NBEA: variants seen among roughly 807,000 people sequenced by gnomAD.
NBEA encodes the protein neurobeachin.
Under a neutral mutation model 343.4 loss-of-function variants are expected in NBEA, and 44 were observed. That is an observed-to-expected ratio of 0.13 (90% CI 0.10 to 0.16). NBEA has a LOEUF of 0.16. Ranked by LOEUF, NBEA falls within the 10% of genes least tolerant of loss-of-function variation. The pLI, the probability that NBEA is intolerant of heterozygous loss-of-function variation, is 1.00. For synonymous variants in NBEA, 1,175 were observed against 1,238.7 expected, an observed-to-expected ratio of 0.95 and a Z score of 1.08; for missense variants, 2,555 against 3,631.3, an observed-to-expected ratio of 0.70 and a Z score of 7.62.
At chr13:35,085,740 A>C (rs1351014840) in intron 10 of NBEA, among the ~76,000 whole-genome samples, 1 of 152,158 alleles carries the variant, frequency 6.6e-6, no homozygotes, top group Non-Finnish European at 1.5e-5. Flanking sequence ...CAGGGCAATC[A>C]GGCAGGAGAA....
intron 14 of NBEA, 31 bp from the exon 15 acceptor site, chr13:35,118,197 G>A: frequency 7.6e-7 from 1 of 1,321,882 alleles, no homozygotes; most frequent in Non-Finnish European, 1.0e-6. Flanking sequence ...AATTTTAGAT[G>A]TAAAGTAATA....
At chr13:35,519,669 G>A (rs1465517835) in intron 41 of NBEA, among the ~76,000 whole-genome samples, 1 of 151,908 alleles carries the variant, frequency 6.6e-6, no homozygotes, top group East Asian at 1.9e-4. Context: ...TAATAATTAT[G>A]CCTATTTATG....
intron 1 of NBEA, among the ~76,000 whole-genome samples, chr13:35,021,966 G>A (rs990031275): frequency 2.0e-5 from 3 of 152,072 alleles, no homozygotes; most frequent in Non-Finnish European, 4.4e-5. Flanking sequence ...GTTTTCTTCT[G>A]TCTGATGAAG....
chr13:34,945,518 CAG>C (rs1309112834), intron 1 of NBEA, among the ~76,000 whole-genome samples: 3 of 152,042 alleles, frequency 2.0e-5, no homozygotes, highest in Non-Finnish European at 4.4e-5. Context: ...ATAGGACACT[CAG>C]TGACTCGTTA....
intron 38 of NBEA, among the ~76,000 whole-genome samples, chr13:35,404,304 GTA>G (rs1169694120): frequency 6.6e-6 from 1 of 151,774 alleles, no homozygotes; most frequent in Non-Finnish European, 1.5e-5. Context: ...ACATGCACAC[GTA>G]TGTTTATTGT....
At chr13:35,659,952 C>A (rs1269931557) in intron 55 of NBEA, among the ~76,000 whole-genome samples, 7 of 152,172 alleles carry the variant, frequency 4.6e-5, no homozygotes, top group Admixed American at 4.6e-4. Flanking sequence ...TGAAAGAGAG[C>A]AGAGCAGAGC....
chr13:35,276,736 T>A lies in NBEA; in HGVS notation c.5777-13653T>A, dbSNP rs543866099. Among the ~76,000 whole-genome samples the A allele has an allele frequency of 2.6e-5, 4 of 152,328 alleles. No homozygotes were observed. In the East Asian group the frequency reaches 7.7e-4, roughly 29 times the overall value. On this transcript the variant is annotated intron_variant, in intron 34 of 58. Coordinates refer to ENST00000379939, the MANE Select transcript of NBEA (RefSeq NM_001385012.1). Reference sequence around the variant, plus strand: ...TGTAGTGTTTACATTTTCCAAGTAATTTATATACTTATTACAGACATACTG... The same window carrying A: ...TGTAGTGTTTACATTTTCCAAGTAAATTATATACTTATTACAGACATACTG...
intron 46 of NBEA, chr13:35,593,047 A>G (rs1170923919): frequency 6.7e-6 from 2 of 296,560 alleles, no homozygotes; most frequent in East Asian, 6.4e-5. Flanking sequence ...CATTAATGCA[A>G]AATTATTTAT....
chr13:35,081,713 C>T (rs1188992245), intron 10 of NBEA, among the ~76,000 whole-genome samples: 1 of 152,060 alleles, frequency 6.6e-6, no homozygotes, highest in South Asian at 2.1e-4. Flanking sequence ...TATAATCTAA[C>T]AGCAATTTGT....
chr13:35,320,767 C>G (rs2038081718), intron 36 of NBEA, among the ~76,000 whole-genome samples: 1 of 152,142 alleles, frequency 6.6e-6, no homozygotes, highest in African/African-American at 2.4e-5. Flanking sequence ...CACATGGTCC[C>G]ACATTTCTTG....
At chr13:35,425,395 T>G in intron 38 of NBEA, among the ~76,000 whole-genome samples, 1 of 152,230 alleles carries the variant, frequency 6.6e-6, no homozygotes, top group East Asian at 1.9e-4. Flanking sequence ...TGCCTTCATT[T>G]TGTTATGTAC....
chr13:35,629,346 G>A (rs1490026108), intron 49 of NBEA, among the ~76,000 whole-genome samples: 1 of 152,104 alleles, frequency 6.6e-6, no homozygotes, highest in Non-Finnish European at 1.5e-5. Flanking sequence ...GGAGATGGGC[G>A]CAATGAAGCT....
At chr13:35,387,982 C>T (rs896055379) in intron 38 of NBEA, among the ~76,000 whole-genome samples, 2 of 152,030 alleles carry the variant, frequency 1.3e-5, no homozygotes, top group South Asian at 2.1e-4. Flanking sequence ...AAAATCTTTC[C>T]CCCCAGAGTG....
At chr13:35,100,176 T>G (rs1329251428) in intron 11 of NBEA, among the ~76,000 whole-genome samples, 2 of 152,114 alleles carry the variant, frequency 1.3e-5, no homozygotes, top group African/African-American at 4.8e-5. Flanking sequence ...TGAATATTAT[T>G]TAGTCACAAA....
At chr13:35,374,273 A>G (rs965393244) in intron 38 of NBEA, among the ~76,000 whole-genome samples, 2 of 152,190 alleles carry the variant, frequency 1.3e-5, no homozygotes, top group Non-Finnish European at 2.9e-5. Context: ...TTCTGGAGCA[A>G]TCAGAACACA....
chr13:35,155,620 T>C (rs2069117924), intron 18 of NBEA, among the ~76,000 whole-genome samples, 154 bp from the exon 19 acceptor site: 1 of 152,192 alleles, frequency 6.6e-6, no homozygotes, highest in African/African-American at 2.4e-5. Context: ...AAACTCCGTC[T>C]TGAAAGAAAG....
At chr13:35,203,883 G>A (rs1206034813) in intron 31 of NBEA, among the ~76,000 whole-genome samples, 1 of 152,120 alleles carries the variant, frequency 6.6e-6, no homozygotes, top group Non-Finnish European at 1.5e-5. Context: ...CCACTTTCTT[G>A]TAGTTAAGAG....
Position 35,185,126 on chromosome 13 carries a change from A to T in NBEA, c.4927+1055A>T, listed in dbSNP as rs539586815. ...ATGAAGGAGGATCTTTATTGCTTAG[A>T]TGGAGGTGACCATCTTATTGCTTAG... On this transcript the variant is annotated intron_variant, in intron 30 of 58. Transcript: ENST00000379939. 2.0e-5 allele frequency among the ~76,000 whole-genome samples: 3 copies of T among 152,242 alleles called. No individual in the cohort carries two copies. In the East Asian group the frequency reaches 5.8e-4, roughly 29 times the overall value.
intron 11 of NBEA, among the ~76,000 whole-genome samples, chr13:35,100,496 G>C (rs75345837): frequency 6.6e-6 from 1 of 151,918 alleles, no homozygotes; most frequent in Non-Finnish European, 1.5e-5. Context: ...ACATGAATTT[G>C]ATAACATATG....
Sources: gnomAD v4.1 joint callset for allele counts (sites outside exome capture counted in the v4.1 genomes callset) on GRCh38, gnomAD v4.1.1 for gene constraint, MANE v1.5 for transcripts, NCBI Gene and HGNC (gene_info 2026-07-23, HGNC 2026-07-21) for gene names.